The following PDZRN4 variants were observed in gnomAD, a reference collection of about 807,000 sequenced individuals.
The protein encoded by PDZRN4 is PDZ domain-containing RING finger protein 4.
PDZRN4 carries 70 observed loss-of-function variants against 99.0 expected under a neutral mutation model. The ratio of observed to expected loss-of-function variants is 0.71; its 90% CI spans 0.58 to 0.86. The LOEUF (loss-of-function observed/expected upper bound fraction) is 0.86. Among genes scored for constraint, PDZRN4 ranks in the 40% least tolerant of loss-of-function variants. PDZRN4 has a pLI of 0.00. For synonymous variants in PDZRN4, 551 were observed against 501.6 expected (o/e 1.10, Z -1.32); for missense variants, 1,474 against 1,331.2 (o/e 1.11, Z -1.67).
At chr12:41,541,786 G>A (rs1202220643) in intron 5 of PDZRN4, among the ~76,000 whole-genome samples, 1 of 152,110 alleles carries the variant, frequency 6.6e-6, no homozygotes, top group Admixed American at 6.6e-5. Context: ...TCCCTTGAAG[G>A]CACTCTTGTG....
In PDZRN4 at chr12:41,380,367, C is replaced by T. The variant is rs192958404; in HGVS notation, c.844-126089C>T. ...AGTAATAGATAAGGCCTTGCTATTG[C>T]CATTTTGCTGATTGTTTTCTGACTG... On this transcript the variant is annotated intron_variant, in intron 3 of 9. Coordinates refer to ENST00000402685, the MANE Select transcript of PDZRN4 (RefSeq NM_001164595.2). Among the ~76,000 whole-genome samples the T allele has an allele frequency of 1.7e-3, 262 of 151,968 alleles. 3 individuals carry two copies. The highest frequency in any genetic ancestry group is 5.7e-3 in the African/African-American group (236 of 41,524).
rs540744380 is a variant in PDZRN4, at chr12:41,473,944, C to T, written c.844-32512C>T. 3.3e-5 allele frequency among the ~76,000 whole-genome samples: 5 copies of T among 152,178 alleles called. No homozygotes were observed. In the South Asian group the frequency reaches 8.3e-4, roughly 25 times the overall value. On this transcript the variant is annotated intron_variant, in intron 3 of 9. Coordinates refer to ENST00000402685, the MANE Select transcript of PDZRN4 (RefSeq NM_001164595.2). ...AAAACCTTCACTGAAAATGGGTAAG[C>T]CTTGAATGGAGATTTGAACACCTGG...
At position 41,572,462 on chromosome 12, in the gene PDZRN4, C is replaced by T. The variant is rs780426519; in HGVS notation, c.1683C>T (p.Ser561=). Residue 561 remains serine, a synonymous_variant, in exon 10 of 10, where the codon AGC becomes AGT. Coordinates refer to ENST00000402685, the MANE Select transcript of PDZRN4 (RefSeq NM_001164595.2). ...GTGGAGTAGGACGTACAGATGAAAG[C>T]TTGCGAAATGATGAGAGCTCAGAGC... ...KDSGVGRTDE[S]LRNDESSEQE... The T allele has an allele frequency of 9.3e-6, 15 of 1,614,004 alleles. No homozygotes were observed. The highest frequency in any genetic ancestry group is 6.6e-5 in the South Asian group (6 of 91,084).
At position 41,573,339 on chromosome 12, in the gene PDZRN4, A is replaced by G; in HGVS notation, c.2560A>G (p.Met854Val). 3 of 1,613,288 alleles carry G rather than the reference A, an allele frequency of 1.9e-6. No individual in the cohort carries two copies. The highest frequency in any genetic ancestry group is 2.5e-6 in the Non-Finnish European group (3 of 1,180,018). Residue 854 changes from methionine (M) to valine (V), a missense_variant, in exon 10 of 10, where the codon ATG becomes GTG. Transcript: ENST00000402685. ...PAHARHYQSY[M>V]QLIQQKSAVE... is the part of the protein sequence containing the mutation. ...ACACGCCCGGCATTATCAAAGCTAC[A>G]TGCAGTTAATTCAACAGAAATCTGC...
intron 3 of PDZRN4, among the ~76,000 whole-genome samples, chr12:41,375,354 G>A (rs573208431): frequency 1.3e-5 from 2 of 152,120 alleles, no homozygotes; most frequent in Non-Finnish European, 2.9e-5. Context: ...AATTTTGTAA[G>A]TAGAATGGCA....
intron 3 of PDZRN4, among the ~76,000 whole-genome samples, chr12:41,204,408 G>C (rs568882765): frequency 3.3e-5 from 5 of 151,978 alleles, no homozygotes; most frequent in African/African-American, 7.2e-5. Flanking sequence ...TCTACTGCAG[G>C]CTTGTTAGAA....
At chr12:41,318,603 C>T (rs1951654274) in intron 3 of PDZRN4, among the ~76,000 whole-genome samples, 1 of 152,120 alleles carries the variant, frequency 6.6e-6, no homozygotes, top group Non-Finnish European at 1.5e-5. Context: ...TGCCTACCAG[C>T]CAAGAGCATT....
intron 3 of PDZRN4, among the ~76,000 whole-genome samples, chr12:41,481,315 T>C (rs73278051): frequency 0.025 from 3,827 of 152,100 alleles, 159 homozygotes; most frequent in African/African-American, 0.089. Context: ...CAATCCTCAG[T>C]TTCTCTTCCT....
intron 3 of PDZRN4, among the ~76,000 whole-genome samples, chr12:41,502,627 G>T (rs891416791): frequency 6.6e-6 from 1 of 151,996 alleles, no homozygotes; most frequent in Non-Finnish European, 1.5e-5. Flanking sequence ...GAAATATTGG[G>T]TATCTACCCT....
intron 3 of PDZRN4, among the ~76,000 whole-genome samples, chr12:41,274,998 T>G (rs1257872119): frequency 2.0e-5 from 3 of 152,130 alleles, no homozygotes; most frequent in African/African-American, 7.2e-5. Context: ...GGTGGGTCAG[T>G]GTCGGACTAG....
chr12:41,504,913 A>T (rs1938178871), intron 3 of PDZRN4, among the ~76,000 whole-genome samples: 1 of 152,152 alleles, frequency 6.6e-6, no homozygotes, highest in Non-Finnish European at 1.5e-5. Context: ...CTGAATTGGG[A>T]CATATTTTGC....
intron 5 of PDZRN4, among the ~76,000 whole-genome samples, chr12:41,527,819 T>C (rs1938595600): frequency 6.6e-6 from 1 of 152,200 alleles, no homozygotes; most frequent in Admixed American, 6.5e-5. Flanking sequence ...GCTGCCAGCA[T>C]TTGCAGCCTG....
intron 3 of PDZRN4, among the ~76,000 whole-genome samples, chr12:41,413,583 A>G (rs1952416646): frequency 6.6e-6 from 1 of 152,186 alleles, no homozygotes; most frequent in African/African-American, 2.4e-5. Context: ...TTATCCTGAT[A>G]TGATCCCTAT....
intron 3 of PDZRN4, among the ~76,000 whole-genome samples, chr12:41,292,095 G>A (rs1037426311): frequency 1.1e-4 from 16 of 152,178 alleles, no homozygotes; most frequent in Admixed American, 2.0e-4. Context: ...AGTAGCAGGC[G>A]TTAGAGAAAA....
At chr12:41,416,490 C>CA (rs144448955) in intron 3 of PDZRN4, among the ~76,000 whole-genome samples, 166 of 150,684 alleles carry the variant, frequency 1.1e-3, no homozygotes, top group African/African-American at 2.6e-3. Context: ...ACTAAAAATA[C>CA]AAAAAAAAAT....
intron 3 of PDZRN4, among the ~76,000 whole-genome samples, chr12:41,435,781 C>G (rs1032112275): frequency 6.6e-6 from 1 of 152,090 alleles, no homozygotes; most frequent in Non-Finnish European, 1.5e-5. Context: ...GAGCAAGACT[C>G]TGTCTCAAAA....
At chr12:41,304,816 T>C (rs1302372107) in intron 3 of PDZRN4, among the ~76,000 whole-genome samples, 4 of 152,220 alleles carry the variant, frequency 2.6e-5, no homozygotes, top group African/African-American at 9.6e-5. Flanking sequence ...GACATTGCCT[T>C]CCACTTTGGC....
intron 3 of PDZRN4, among the ~76,000 whole-genome samples, chr12:41,247,633 T>C (rs970138322): frequency 3.9e-5 from 6 of 152,150 alleles, no homozygotes; most frequent in Admixed American, 3.9e-4. Flanking sequence ...ACATAGTAAT[T>C]GTTATATGTT....
At chr12:41,561,187 G>A (rs1236894644) in intron 7 of PDZRN4, among the ~76,000 whole-genome samples, 2 of 151,924 alleles carry the variant, frequency 1.3e-5, no homozygotes, top group African/African-American at 4.8e-5. Flanking sequence ...ATACATATGA[G>A]GTAGATATCT....
Sources: allele counts gnomAD v4.1 joint callset (sites outside exome capture counted in the v4.1 genomes callset), GRCh38; gene constraint gnomAD v4.1.1; transcripts MANE v1.5; gene names NCBI Gene and HGNC (gene_info 2026-07-23, HGNC 2026-07-21).